PRELID2: variants seen among roughly 807,000 people sequenced by gnomAD.
The protein encoded by PRELID2 is PRELI domain containing 2, also known as PRELI domain-containing protein 2.
Under a neutral mutation model 28.4 loss-of-function variants are expected in PRELID2, and 25 were observed. The ratio of observed to expected loss-of-function variants is 0.88; its 90% CI spans 0.64 to 1.23. The LOEUF (loss-of-function observed/expected upper bound fraction) is 1.23, where lower values mean the gene tolerates loss of function less well. Ranked by LOEUF, PRELID2 falls within the 50% of genes most tolerant of loss-of-function variation. The pLI, the probability that PRELID2 is intolerant of heterozygous loss-of-function variation, is 0.00. For synonymous variants in PRELID2, 76 were observed against 71.6 expected (o/e 1.06, Z -0.31); for missense variants, 201 against 214.4 (o/e 0.94, Z 0.39).
At chr5:145,415,819 T>C in the PRELID2 span, among the ~76,000 whole-genome samples, 1 of 151,948 alleles carries the variant, frequency 6.6e-6, no homozygotes. Context: ...CTGGGTCAAA[T>C]CGTATTTCTA....
At chr5:145,477,667 T>C (rs427979) in intron 1 of PRELID2, among the ~76,000 whole-genome samples, 61,091 of 152,038 alleles carry the variant, frequency 0.4, 12,629 homozygotes, top group Non-Finnish European at 0.44. Context: ...AGGTAAAATC[T>C]ACTATATAAA....
chr5:145,534,208 C>T (rs1446495716), intron 1 of PRELID2, among the ~76,000 whole-genome samples: 1 of 152,040 alleles, frequency 6.6e-6, no homozygotes, highest in East Asian at 1.9e-4. Context: ...ACTAAACAAG[C>T]TTACACTCAA....
At chr5:145,472,854 GTA>G (rs1752066460) in intron 2 of PRELID2, among the ~76,000 whole-genome samples, 1 of 152,124 alleles carries the variant, frequency 6.6e-6, no homozygotes, top group East Asian at 1.9e-4. Flanking sequence ...GGTCTGATAA[GTA>G]TAGAGTCACA....
chr5:145,481,650 A>AAAAAAAAAAAAAAAAAAAAAAAAG (rs1752162758), intron 1 of PRELID2, among the ~76,000 whole-genome samples: 3 of 117,850 alleles, frequency 2.5e-5, no homozygotes, highest in African/African-American at 6.5e-5. Context: ...AAAAAAAAAA[A>AAAAAAAAAAAAAAAAAAAAAAAAG]AAAGAAAGAA....
At chr5:145,465,998 C>A in the PRELID2 span, among the ~76,000 whole-genome samples, 2 of 152,014 alleles carry the variant, frequency 1.3e-5, no homozygotes, top group Admixed American at 6.6e-5. Context: ...CTATAATTAT[C>A]CTTTGGAAAT....
chr5:145,651,932 G>A (rs1164997285), intron 1 of PRELID2, among the ~76,000 whole-genome samples: 1 of 152,156 alleles, frequency 6.6e-6, no homozygotes, highest in Non-Finnish European at 1.5e-5. Flanking sequence ...GAGAGATAAA[G>A]GCTTCAGAAG....
At chr5:145,696,588 A>G (rs979393237) in intron 1 of PRELID2, among the ~76,000 whole-genome samples, 1 of 151,970 alleles carries the variant, frequency 6.6e-6, no homozygotes, top group Non-Finnish European at 1.5e-5. Context: ...CAGCCTCTTG[A>G]GTAGCTGGGA....
At chr5:145,564,573 T>C (rs184303954) in intron 1 of PRELID2, among the ~76,000 whole-genome samples, 21 of 152,302 alleles carry the variant, frequency 1.4e-4, no homozygotes, top group African/African-American at 5.1e-4. Flanking sequence ...TTATAACTCT[T>C]GAACTCAGAA....
intron 1 of PRELID2, among the ~76,000 whole-genome samples, chr5:145,610,597 T>C (rs923215528): frequency 2.6e-5 from 4 of 152,234 alleles, no homozygotes; most frequent in African/African-American, 9.6e-5. Context: ...ATTGATATTT[T>C]GTCTTCTTGT....
At position 145,476,508 on chromosome 5, in the gene PRELID2, G is replaced by A. The variant is rs540607780; in HGVS notation, n.71-3193C>T. 4.6e-5 allele frequency among the ~76,000 whole-genome samples: 7 copies of A among 152,190 alleles called. No individual in the cohort carries two copies. In the East Asian group the frequency reaches 1.4e-3, roughly 29 times the overall value. ...AAACATACAAAAATTAGCTAGGTGT[G>A]GTGGCATGCACCTATAATCCTAGCT... On this transcript the variant is annotated intron_variant and non_coding_transcript_variant, in intron 1 of 2. Transcript: ENST00000510259.
the PRELID2 span, among the ~76,000 whole-genome samples, chr5:145,463,115 T>C: frequency 3.3e-5 from 5 of 152,116 alleles, no homozygotes; most frequent in Admixed American, 1.3e-4. Flanking sequence ...ACTAAATTTA[T>C]TTTATGATTT....
At chr5:145,612,381 T>G (rs1450321954) in intron 1 of PRELID2, among the ~76,000 whole-genome samples, 2 of 152,202 alleles carry the variant, frequency 1.3e-5, no homozygotes, top group Non-Finnish European at 2.9e-5. Flanking sequence ...GCAACAAGTA[T>G]GATTACAGAG....
At chr5:145,534,020 A>G (rs1752676126) in intron 1 of PRELID2, among the ~76,000 whole-genome samples, 1 of 152,086 alleles carries the variant, frequency 6.6e-6, no homozygotes, top group South Asian at 2.1e-4. Flanking sequence ...GAGATTCTAT[A>G]TTAGATAGGA....
the PRELID2 span, among the ~76,000 whole-genome samples, chr5:145,362,783 A>G: frequency 1.3e-4 from 20 of 152,282 alleles, no homozygotes; most frequent in South Asian, 3.9e-3. Context: ...AAAAACTTTT[A>G]GAAGTGCTCA....
At chr5:145,406,076 A>T in the PRELID2 span, among the ~76,000 whole-genome samples, 2 of 152,100 alleles carry the variant, frequency 1.3e-5, no homozygotes, top group Admixed American at 6.6e-5. Context: ...CACCATGGGG[A>T]TGTTGTTAAA....
At chr5:145,329,931 C>T in the PRELID2 span, among the ~76,000 whole-genome samples, 1 of 152,096 alleles carries the variant, frequency 6.6e-6, no homozygotes, top group Non-Finnish European at 1.5e-5. Flanking sequence ...ATAAATAGCG[C>T]TTATTATTTT....
chr5:145,433,133 G>A, the PRELID2 span, among the ~76,000 whole-genome samples: 1 of 152,014 alleles, frequency 6.6e-6, no homozygotes, highest in Non-Finnish European at 1.5e-5. Flanking sequence ...AGTGTCACCT[G>A]TATTTCCACA....
At chr5:145,415,250 GT>G in the PRELID2 span, among the ~76,000 whole-genome samples, 2 of 151,514 alleles carry the variant, frequency 1.3e-5, no homozygotes, top group Non-Finnish European at 2.9e-5. Context: ...TGTTGGTTTT[GT>G]TTTGTTTTTT....
At chr5:145,510,237 C>A (rs1347551760) in intron 1 of PRELID2, among the ~76,000 whole-genome samples, 1 of 152,132 alleles carries the variant, frequency 6.6e-6, no homozygotes, top group Non-Finnish European at 1.5e-5. Flanking sequence ...ATGAACTTGA[C>A]CTATCATGTT....
Sources: gnomAD v4.1 joint callset for allele counts (sites outside exome capture counted in the v4.1 genomes callset) on GRCh38, gnomAD v4.1.1 for gene constraint, MANE v1.5 for transcripts, NCBI Gene and HGNC (gene_info 2026-07-23, HGNC 2026-07-21) for gene names.